CSMD1: variants seen among roughly 807,000 people sequenced by gnomAD.
CSMD1 encodes the protein CUB and sushi domain-containing protein 1.
CSMD1 carries 213 observed loss-of-function variants against 417.5 expected under a neutral mutation model. The ratio of observed to expected loss-of-function variants is 0.51; its 90% CI spans 0.46 to 0.57. The LOEUF is 0.57. Ranked by LOEUF, CSMD1 falls within the 20% of genes least tolerant of loss-of-function variation. CSMD1 has a pLI of 0.00. For missense variants in CSMD1, 6,923 were observed against 4,529.7 expected, an observed-to-expected ratio of 1.53 and a Z score of -15.17; for synonymous variants, 2,862 against 1,736.8, an observed-to-expected ratio of 1.65 and a Z score of -16.11.
intron 3 of CSMD1, among the ~76,000 whole-genome samples, chr8:4,192,027 A>G (rs1163878521): frequency 1.3e-5 from 2 of 152,174 alleles, no homozygotes; most frequent in Non-Finnish European, 2.9e-5. Flanking sequence ...GCTGTTGCCA[A>G]TTCTCCTGCA....
intron 12 of CSMD1, among the ~76,000 whole-genome samples, chr8:3,412,407 G>A (rs1400858714): frequency 2.0e-5 from 3 of 152,104 alleles, no homozygotes; most frequent in Non-Finnish European, 2.9e-5. Flanking sequence ...TGGTTTGAAG[G>A]TCTGCTGTGA....
chr8:3,811,456 C>G (rs1218793779), intron 5 of CSMD1, among the ~76,000 whole-genome samples: 2 of 152,114 alleles, frequency 1.3e-5, no homozygotes, highest in East Asian at 1.9e-4. Flanking sequence ...TGGATTTTAT[C>G]TAGAATAGAC....
chr8:4,646,555 T>G (rs542591709), intron 1 of CSMD1, among the ~76,000 whole-genome samples: 1 of 152,226 alleles, frequency 6.6e-6, no homozygotes, highest in Non-Finnish European at 1.5e-5. Flanking sequence ...AAACTACCAG[T>G]TGCCTGATTC....
intron 3 of CSMD1, among the ~76,000 whole-genome samples, chr8:4,293,868 G>C (rs1195484363): frequency 1.3e-5 from 2 of 152,178 alleles, no homozygotes; most frequent in Non-Finnish European, 2.9e-5. Flanking sequence ...TTTTGACTCA[G>C]TGGTGAGACC....
intron 5 of CSMD1, among the ~76,000 whole-genome samples, chr8:3,793,226 T>C (rs1328273243): frequency 6.6e-6 from 1 of 152,194 alleles, no homozygotes; most frequent in African/African-American, 2.4e-5. Context: ...ATGGTCTAAG[T>C]CCTGTTCCAG....
chr8:3,819,215 A>G (rs1351303909), intron 5 of CSMD1, among the ~76,000 whole-genome samples: 1 of 152,128 alleles, frequency 6.6e-6, no homozygotes, highest in East Asian at 1.9e-4. Context: ...AACACTATGG[A>G]CAACCCTCTT....
At chr8:4,764,882 A>AAAAACAAAAAAAAAAACAAAACAAAAC (rs1563326782) in intron 1 of CSMD1, among the ~76,000 whole-genome samples, 28 of 47,572 alleles carry the variant, frequency 5.9e-4, no homozygotes, top group African/African-American at 2.1e-3. Context: ...CAAAAAAAAA[A>AAAAACAAAAAAAAAAACAAAACAAAAC]AAAAAAAAAA....
At chr8:3,287,478 T>C (rs189621187) in intron 25 of CSMD1, among the ~76,000 whole-genome samples, 5,640 of 152,172 alleles carry the variant, frequency 0.037, 172 homozygotes, top group Admixed American at 0.089. Context: ...TTTATTTCCT[T>C]GAGCAGTGGT....
intron 23 of CSMD1, among the ~76,000 whole-genome samples, chr8:3,335,523 C>G (rs547545130): frequency 6.6e-6 from 1 of 152,114 alleles, no homozygotes; most frequent in African/African-American, 2.4e-5. Flanking sequence ...ACTAAAAATA[C>G]AAAATTAGCC....
At chr8:3,883,613 CAATT>C (rs1475232533) in intron 5 of CSMD1, among the ~76,000 whole-genome samples, 2 of 152,008 alleles carry the variant, frequency 1.3e-5, no homozygotes, top group African/African-American at 2.4e-5. Flanking sequence ...TATTTGATAT[CAATT>C]AATATCAATT....
intron 1 of CSMD1, among the ~76,000 whole-genome samples, chr8:4,735,972 T>C (rs1810207874): frequency 6.6e-6 from 1 of 152,210 alleles, no homozygotes; most frequent in African/African-American, 2.4e-5. Flanking sequence ...AACACTTTCC[T>C]GAACTGAGTT....
chr8:4,451,104 T>C (rs964130357), intron 2 of CSMD1, among the ~76,000 whole-genome samples: 3 of 152,110 alleles, frequency 2.0e-5, no homozygotes, highest in African/African-American at 7.2e-5. Context: ...GGCAGGAGGA[T>C]TACTCCTGAG....
At chr8:3,774,904 A>G (rs780150140) in intron 5 of CSMD1, among the ~76,000 whole-genome samples, 24 of 152,120 alleles carry the variant, frequency 1.6e-4, no homozygotes, top group Non-Finnish European at 5.9e-5. Context: ...ATGTCTTTTC[A>G]ATATGGTAAC....
intron 1 of CSMD1, among the ~76,000 whole-genome samples, chr8:4,981,552 C>A (rs1217663585): frequency 1.2e-4 from 18 of 152,204 alleles, no homozygotes; most frequent in Non-Finnish European, 8.8e-5. Context: ...ACTTGGGAAT[C>A]TTTTCCTACA....
At chr8:4,318,440 T>A (rs1799064289) in intron 3 of CSMD1, among the ~76,000 whole-genome samples, 1 of 152,000 alleles carries the variant, frequency 6.6e-6, no homozygotes, top group Non-Finnish European at 1.5e-5. Flanking sequence ...ATTGTGAAAA[T>A]TACATTGAGT....
In CSMD1 at chr8:3,359,252, C is replaced by T. The variant is rs370198228; in HGVS notation, c.3204G>A (p.Thr1068=). Residue 1068 remains threonine (T), a synonymous_variant, in exon 21 of 70, where the codon ACG becomes ACA. Coordinates refer to ENST00000635120, the MANE Select transcript of CSMD1 (RefSeq NM_033225.6). ...AACGATATCCCAGGAAGCAGGAAAA[C>T]GTCAGAGAGTCTCCCACACCAAAGT... ...GFHFGVGDSL[T]FSCFLGYRLE... The T allele has an allele frequency of 2.9e-5, 47 of 1,613,734 alleles. No individual in the cohort carries two copies. The highest frequency in any genetic ancestry group is 2.7e-4 in the African/African-American group (20 of 74,888).
At chr8:4,412,712 G>A (rs1429717827) in intron 3 of CSMD1, among the ~76,000 whole-genome samples, 1 of 152,116 alleles carries the variant, frequency 6.6e-6, no homozygotes, top group Admixed American at 6.6e-5. Flanking sequence ...AACATATAAA[G>A]ACATAGTGAA....
intron 3 of CSMD1, among the ~76,000 whole-genome samples, chr8:4,246,789 G>A (rs2128827399): frequency 6.6e-6 from 1 of 152,254 alleles, no homozygotes; most frequent in South Asian, 2.1e-4. Flanking sequence ...CATTTGAAAT[G>A]TAAAGAAATG....
intron 1 of CSMD1, among the ~76,000 whole-genome samples, chr8:4,954,546 A>G (rs1043452274): frequency 1.3e-5 from 2 of 152,154 alleles, no homozygotes; most frequent in Non-Finnish European, 2.9e-5. Flanking sequence ...TTTTTTTAAA[A>G]AATATGTTTA....
Sources: allele counts gnomAD v4.1 joint callset (sites outside exome capture counted in the v4.1 genomes callset), GRCh38; gene constraint gnomAD v4.1.1; transcripts MANE v1.5; gene names NCBI Gene and HGNC (gene_info 2026-07-23, HGNC 2026-07-21).